The following RHOBTB3 variants were observed in gnomAD, a reference collection of about 807,000 sequenced individuals.
The protein encoded by RHOBTB3 is rho-related BTB domain-containing protein 3.
In RHOBTB3, 47 loss-of-function variants were observed where a neutral mutation model predicts 67.2. The observed-to-expected ratio is 0.70, with a 90% CI of 0.55 to 0.89. RHOBTB3 has a LOEUF of 0.89. Among genes scored for constraint, RHOBTB3 ranks in the 40% least tolerant of loss-of-function variants. RHOBTB3 has a pLI of 0.00. For synonymous variants in RHOBTB3, 273 were observed against 274.2 expected, an observed-to-expected ratio of 1.00 and a Z score of 0.04; for missense variants, 631 against 750.0, an observed-to-expected ratio of 0.84 and a Z score of 1.85.
chr5:95,763,151 A>G (rs113282020), intron 6 of RHOBTB3, among the ~76,000 whole-genome samples: 2 of 152,174 alleles, frequency 1.3e-5, no homozygotes, highest in African/African-American at 4.8e-5. Flanking sequence ...CACCCTTGGG[A>G]AAGACCACAT....
chr5:95,767,582 C>T (rs1335023997), intron 7 of RHOBTB3, among the ~76,000 whole-genome samples: 1 of 152,196 alleles, frequency 6.6e-6, no homozygotes, highest in East Asian at 1.9e-4. Context: ...AAGTGCCCAC[C>T]TTGGCCTCCA....
At chr5:95,729,288 T>G (rs947298058), upstream of RHOBTB3, among the ~76,000 whole-genome samples, 7 of 152,178 alleles carry the variant, frequency 4.6e-5, no homozygotes, top group Non-Finnish European at 8.8e-5. Context: ...ACAAATTGCT[T>G]TAGCTTCTTA....
At chr5:95,768,347 A>G (rs1745609752) in intron 8 of RHOBTB3, among the ~76,000 whole-genome samples, 181 bp downstream of exon 8, 1 of 152,214 alleles carries the variant, frequency 6.6e-6, no homozygotes, top group African/African-American at 2.4e-5. Context: ...ATTTTATTAA[A>G]ATGATAAAAT....
At chr5:95,732,607 T>C (rs1481113848) in intron 2 of RHOBTB3, 1 of 161,342 alleles carries the variant, frequency 6.2e-6, no homozygotes, top group Non-Finnish European at 1.3e-5. Flanking sequence ...GCACTATTAA[T>C]TGATCTCTGA....
intron 9 of RHOBTB3, chr5:95,783,561 C>CAAAAAAAAAGAAAAAAAAAAAAAAAAAA (rs1746127612): frequency 9.5e-6 from 1 of 105,570 alleles, no homozygotes. Context: ...CCTGTCTCTA[C>CAAAAAAAAAGAAAAAAAAAAAAAAAAAA]AAAAAAAAAA....
At chr5:95,737,856 G>A (rs1481556083) in intron 3 of RHOBTB3, among the ~76,000 whole-genome samples, 1 of 152,128 alleles carries the variant, frequency 6.6e-6, no homozygotes, top group African/African-American at 2.4e-5. Context: ...ACTTGAGAAG[G>A]CTCCCTCATG....
chr5:95,762,116 T>C (rs1485195242), intron 6 of RHOBTB3, among the ~76,000 whole-genome samples: 1 of 152,172 alleles, frequency 6.6e-6, no homozygotes, highest in African/African-American at 2.4e-5. Context: ...CCCAGTTGTG[T>C]TTATCATCCC....
rs1052020368 is a variant in RHOBTB3 at position 95,794,673 on chromosome 5, T to G, written c.*1499T>G. The G allele has an allele frequency of 5.3e-5, 8 of 152,260 alleles. No homozygotes were observed. The highest frequency in any genetic ancestry group is 1.9e-4 in the African/African-American group (8 of 41,462). 9.4% of individuals were successfully genotyped at this position (152,260 alleles called of 1,614,324 possible). ...TCATCTGTAAGTCACTACTGGAATA[T>G]ATTTTTCTTTTAATTTCCAGTGACT... On this transcript the variant is annotated 3_prime_UTR_variant, in exon 12 of 12. Transcript: ENST00000379982.
intron 8 of RHOBTB3, 95 bp from the exon 9 acceptor site, chr5:95,780,157 G>T (rs1746004968): frequency 1.1e-6 from 1 of 913,754 alleles, no homozygotes. Context: ...CAGCCTAGCT[G>T]TCCCTAATGT....
At chr5:95,744,435 C>G (rs921248026) in intron 3 of RHOBTB3, among the ~76,000 whole-genome samples, 4 of 152,018 alleles carry the variant, frequency 2.6e-5, no homozygotes, top group Non-Finnish European at 5.9e-5. Flanking sequence ...TCATGTCTAT[C>G]TTCTCTCAGT....
rs2112765796 is a variant in RHOBTB3, at chr5:95,731,446, A to G, written c.-237A>G. The G allele has an allele frequency of 8.3e-7, 1 of 1,205,856 alleles. No homozygotes were observed. Among genetic ancestry groups the G allele is most frequent in the South Asian group, 3.9e-5 (1 of 25,406 alleles). The allele number at this position is 1,205,856 out of a possible 1,614,324, so 74.7% of individuals were successfully genotyped here. On this transcript the variant is annotated 5_prime_UTR_variant, in exon 1 of 12. Transcript: ENST00000379982. The stretch of plus-strand genomic sequence containing the variant: ...CCCGCGCCCGGCGATGTTCCCGGGC[A>G]CTCCCTGAGTAGCGGCAGCTTATCC...
intron 1 of RHOBTB3, among the ~76,000 whole-genome samples, chr5:95,724,884 T>C (rs1469112107): frequency 1.3e-5 from 2 of 152,150 alleles, no homozygotes; most frequent in African/African-American, 4.8e-5. Context: ...GTAAGTATAC[T>C]TAAGTATATA....
rs777599710 is a variant in RHOBTB3 at position 95,737,070 on chromosome 5, A to G, written c.410A>G (p.Gln137Arg). 6.4e-7 allele frequency: 1 copy of G among 1,559,602 alleles called. No individual in the cohort carries two copies. Among genetic ancestry groups the G allele is most frequent in the Non-Finnish European group, 8.8e-7 (1 of 1,134,524 alleles). ...PVIIAAVGTR[Q>R]NEELPCTCPL... ...ATTATTGCTGCTGTTGGTACCAGAC[A>G]AAATGGTAAGTATTTAATATTCTTT... Residue 137 changes from glutamine to arginine, a missense_variant, in exon 3 of 12, where the codon CAA (glutamine) becomes CGA (arginine). Gln to Arg is a conservative substitution (Grantham distance 43). Transcript: ENST00000379982.
At chr5:95,720,370 G>C (rs1007684814) in intron 1 of RHOBTB3, among the ~76,000 whole-genome samples, 1 of 152,166 alleles carries the variant, frequency 6.6e-6, no homozygotes, top group Non-Finnish European at 1.5e-5. Flanking sequence ...TTATGATGGG[G>C]ATCATTAGCA....
At chr5:95,753,134 C>G (rs1334761007) in intron 5 of RHOBTB3, among the ~76,000 whole-genome samples, 3 of 149,584 alleles carry the variant, frequency 2.0e-5, no homozygotes, top group Non-Finnish European at 4.4e-5. Context: ...AAGACTCTGT[C>G]TCAAAAAAAA....
chr5:95,781,359 C>T (rs909095755), intron 9 of RHOBTB3: 1 of 152,256 alleles, frequency 6.6e-6, no homozygotes, highest in Non-Finnish European at 1.5e-5. Context: ...TCTTCAGATT[C>T]ACTGCTTTAA....
At chr5:95,736,057 G>A (rs1048044952) in intron 2 of RHOBTB3, among the ~76,000 whole-genome samples, 8 of 152,106 alleles carry the variant, frequency 5.3e-5, no homozygotes, top group East Asian at 1.9e-4. Flanking sequence ...AGCCGAGATC[G>A]CACCACTGGA....
At chr5:95,737,123 A>G in intron 3 of RHOBTB3, 48 bp downstream of exon 3, 3 of 1,227,088 alleles carry the variant, frequency 2.4e-6, no homozygotes, top group Non-Finnish European at 3.5e-6. Context: ...AATATTATAT[A>G]TACTTTAAAT....
At chr5:95,749,933 A>G (rs1745040399) in intron 4 of RHOBTB3, among the ~76,000 whole-genome samples, 1 of 151,902 alleles carries the variant, frequency 6.6e-6, no homozygotes, top group Non-Finnish European at 1.5e-5. Context: ...CTTTCTTCCT[A>G]ATATCTAATG....
Sources: allele counts gnomAD v4.1 joint callset (sites outside exome capture counted in the v4.1 genomes callset), GRCh38; gene constraint gnomAD v4.1.1; transcripts MANE v1.5; gene names NCBI Gene and HGNC (gene_info 2026-07-23, HGNC 2026-07-21).